Variants in SLC22A31 observed in about 807,000 individuals in gnomAD.
SLC22A31 encodes putative solute carrier family 22 member 31.
A neutral mutation model predicts 27.4 loss-of-function variants in SLC22A31; 42 were observed. The observed-to-expected ratio is 1.53, with a 90% confidence interval of 1.20 to 1.98. SLC22A31 has a LOEUF of 1.98. SLC22A31 is among the 30% of genes most tolerant of loss of function. SLC22A31 has a pLI of 0.00. For missense variants in SLC22A31, 593 were observed against 479.9 expected (o/e 1.24, Z -2.20); for synonymous variants, 290 against 230.8 (o/e 1.26, Z -2.33).
Position 89,195,886 on chromosome 16 carries a change from ACACG to A in SLC22A31, c.*109_*112del. The A allele has an allele frequency of 8.0e-7, 1 of 1,255,764 alleles. No homozygotes were observed. The highest frequency in any genetic ancestry group is 3.0e-5 in the Admixed American group (1 of 33,816). 77.8% of individuals were successfully genotyped at this position (1,255,764 alleles called of 1,614,324 possible). A position where few individuals can be genotyped will look rare whatever the true frequency, so the allele number is the denominator to read the frequency against. On this transcript the variant is annotated 3_prime_UTR_variant, in exon 9 of 9. Coordinates refer to ENST00000682282, the MANE Select transcript of SLC22A31 (RefSeq NM_001384763.1). Reference sequence around the variant, plus strand: ...TCCCCACGGCTCCACCTGCACTGAGACACGGGCTTCTGAGAGGAATGTGTCTGCC... The same window carrying A: ...TCCCCACGGCTCCACCTGCACTGAGAGGCTTCTGAGAGGAATGTGTCTGCC...
At chr16:89,197,758 C>T (rs1172135006) in intron 7 of SLC22A31, among the ~76,000 whole-genome samples, 2 of 152,230 alleles carry the variant, frequency 1.3e-5, no homozygotes, top group African/African-American at 2.4e-5. Flanking sequence ...TCATTTTGCA[C>T]CTAGCTCCAC....
chr16:89,197,346 G>A lies in SLC22A31; in HGVS notation c.986C>T (p.Ser329Phe), dbSNP rs1463756046. The A allele has an allele frequency of 2.6e-6, 4 of 1,535,748 alleles. No homozygotes were observed. The highest frequency in any genetic ancestry group is 1.2e-5 in the South Asian group (1 of 84,062). Reference sequence around the variant, plus strand: ...GGCCGCGAAGAGGCTGCTGAGTGCGGACACAGCCCGGGAGGCCAGGAGCCC... The same window carrying A: ...GGCCGCGAAGAGGCTGCTGAGTGCGAACACAGCCCGGGAGGCCAGGAGCCC... ...VLGLLASRAV[S>F]ALSSLFAAEV... Residue 329 changes from serine to phenylalanine, a missense_variant, in exon 8 of 9, where the codon TCC becomes TTC. Transcript: ENST00000682282.
Position 89,198,297 on chromosome 16 carries a change from G to A in SLC22A31, c.747C>T (p.Ser249=). The A allele has an allele frequency of 6.5e-7, 1 of 1,535,950 alleles. No homozygotes were observed. The highest frequency in any genetic ancestry group is 8.7e-7 in the Non-Finnish European group (1 of 1,146,900). The change falls in exon 7 of 9, where the codon AGC becomes AGT. Residue 249 remains serine (S), a synonymous_variant. Coordinates refer to ENST00000682282, the MANE Select transcript of SLC22A31 (RefSeq NM_001384763.1). The part of the protein sequence containing the change: ...GGGIRASFRR[S]LAPQVPTFYL... ...AGAAGGTCGGCACCTGAGGTGCCAG[G>A]CTGCGGCGGAAGCTAGCTCTGATGC...
Position 89,197,355 on chromosome 16 carries a change from C to T in SLC22A31, c.977G>A (p.Arg326Gln), listed in dbSNP as rs1365502870. Residue 326 changes from arginine (R) to glutamine (Q), a missense_variant, in exon 8 of 9, where the codon CGG (arginine) becomes CAG (glutamine). By Grantham distance (43) the Arg-to-Gln change is conservative. Transcript: ENST00000682282. ...GAGGCTGCTGAGTGCGGACACAGCC[C>T]GGGAGGCCAGGAGCCCCAGGACAGA... ...FLSVLGLLAS[R>Q]AVSALSSLFA... 13 of 1,535,730 alleles carry T rather than the reference C, an allele frequency of 8.5e-6. No homozygotes were observed. Among genetic ancestry groups the T allele is most frequent in the Non-Finnish European group, 1.1e-5 (13 of 1,146,832 alleles).
rs1916342457 is a variant in SLC22A31 at position 89,199,494 on chromosome 16, C to T, written c.202G>A (p.Ala68Thr). Residue 68 changes from alanine to threonine, a missense_variant, in exon 3 of 9, where the codon GCC (alanine) becomes ACC (threonine). Transcript: ENST00000682282. ...AGGACCAGCAGGGTAGGGAAGCTGGCAGCCAGGGCCTCACTGGCCCCCAGG... is the reference window on the plus strand; with the variant it reads ...AGGACCAGCAGGGTAGGGAAGCTGGTAGCCAGGGCCTCACTGGCCCCCAGG... ...TGLGASEALA[A>T]SFPTLLVLRL... 4.1e-6 allele frequency: 2 copies of T among 492,366 alleles called. No homozygotes were observed. Among genetic ancestry groups the T allele is most frequent in the East Asian group, 3.0e-5 (1 of 33,442 alleles). 30.5% of individuals were successfully genotyped at this position (492,366 alleles called of 1,614,324 possible).
chr16:89,197,515 T>C (rs528937501), intron 7 of SLC22A31, 106 bp from the exon 8 acceptor site: 1 of 733,558 alleles, frequency 1.4e-6, no homozygotes, highest in African/African-American at 1.8e-5. Flanking sequence ...GGACCCACTT[T>C]CCAAGCCTCC....
intron 4 of SLC22A31, 111 bp from the exon 5 acceptor site, chr16:89,198,908 G>C (rs1916264662): frequency 7.4e-6 from 11 of 1,487,176 alleles, no homozygotes; most frequent in Admixed American, 2.1e-5. Flanking sequence ...CATCACTGTA[G>C]TTCTCTGTGA....
rs920372121 is a variant in SLC22A31 at position 89,197,492 on chromosome 16, C to T, written c.923-83G>A. 2.9e-5 allele frequency: 28 copies of T among 982,196 alleles called. No homozygotes were observed. The African/African-American group carries it at 4.2e-4, about 15-fold the overall frequency. 60.8% of individuals were successfully genotyped at this position (982,196 alleles called of 1,614,324 possible). On this transcript the variant is annotated intron_variant, in intron 7 of 8. Coordinates refer to ENST00000682282, the MANE Select transcript of SLC22A31 (RefSeq NM_001384763.1). ...CTCAGGGCCCTTCCCCAGAGAACCA[C>T]ACCACTGTCTGGGGACCCACTTTCC...
At chr16:89,201,431 C>T (rs993571927), upstream of SLC22A31, 48 of 384,076 alleles carry the variant, frequency 1.2e-4, no homozygotes, top group African/African-American at 1.0e-3. Flanking sequence ...CTCGCGTGGG[C>T]CCCAGGCGCG....
Position 89,196,249 on chromosome 16 carries a change from G to C in SLC22A31, c.1091C>G (p.Pro364Arg). 1 of 1,532,012 alleles carries C rather than the reference G, an allele frequency of 6.5e-7. No homozygotes were observed. The highest frequency in any genetic ancestry group is 2.4e-5 in the East Asian group (1 of 40,880). 94.9% of individuals were successfully genotyped at this position (1,532,012 alleles called of 1,614,324 possible). Residue 364 changes from proline to arginine, a missense_variant, in exon 9 of 9, where the codon CCC becomes CGC. Pro to Arg is a moderately radical substitution (Grantham distance 103). Coordinates refer to ENST00000682282, the MANE Select transcript of SLC22A31 (RefSeq NM_001384763.1). ...GAGFLGQAAG[P>R]LDTLHGRQGF... ...CTGCCGGCCGTGCAGGGTGTCCAGGGGGCCGGCTGCCTGGCCCAGGAACCC... is the reference window on the plus strand; with the variant it reads ...CTGCCGGCCGTGCAGGGTGTCCAGGCGGCCGGCTGCCTGGCCCAGGAACCC...
Position 89,197,556 on chromosome 16 carries a change from G to T in SLC22A31, c.923-147C>A, listed in dbSNP as rs76696221. 5.5e-3 allele frequency: 3,365 copies of T among 613,082 alleles called. 78 individuals are homozygous for T. The highest frequency in any genetic ancestry group is 0.053 in the African/African-American group (2,893 of 54,152). The allele number at this position is 613,082 out of a possible 1,614,324, so 38.0% of individuals were successfully genotyped here. On this transcript the variant is annotated intron_variant, in intron 7 of 8. Transcript: ENST00000682282. ...CAGCCCCCCTGAGAAACCTGGAGGG[G>T]GAACCTGTCCTCTGCAGCCTGATTC...
rs549068936 is a variant in SLC22A31 at position 89,198,544 on chromosome 16, G to C, written c.605C>G (p.Thr202Ser). The C allele has an allele frequency of 1.3e-6, 2 of 1,508,314 alleles. No individual in the cohort carries two copies. The highest frequency in any genetic ancestry group is 2.0e-5 in the Admixed American group (1 of 49,396). The allele number at this position is 1,508,314 out of a possible 1,614,324, so 93.4% of individuals were successfully genotyped here. The change falls in exon 6 of 9, where the codon ACC (threonine) becomes AGC (serine). Residue 202 changes from threonine to serine, a missense_variant. Physicochemically the swap from Thr to Ser is moderately conservative, Grantham distance 58 (BLOSUM62 1). Coordinates refer to ENST00000682282, the MANE Select transcript of SLC22A31 (RefSeq NM_001384763.1). ...CTGGGGGCTCCGTGCAGACAGCATG[G>C]TCAGCTCTGTAGCCGCAGAGATGTG... ...LEENSLATEL[T>S]MLSARSPQPR...
rs754839619 is a variant in SLC22A31 at position 89,199,467 on chromosome 16, G to A, written c.229C>T (p.Arg77Cys). 6.3e-5 allele frequency: 33 copies of A among 520,868 alleles called. No homozygotes were observed. Among genetic ancestry groups the A allele is most frequent in the African/African-American group, 3.4e-4 (18 of 53,030 alleles). 32.3% of individuals were successfully genotyped at this position (520,868 alleles called of 1,614,324 possible). The change falls in exon 3 of 9, where the codon CGC becomes TGC. Residue 77 changes from arginine to cysteine, a missense_variant. Coordinates refer to ENST00000682282, the MANE Select transcript of SLC22A31 (RefSeq NM_001384763.1). ...AASFPTLLVL[R>C]LLHGGTLAGA... ...GCCAATGTGCCCCCGTGGAGTAGGC[G>A]CAGGACCAGCAGGGTAGGGAAGCTG... is the stretch of plus-strand genomic sequence containing the variant.
chr16:89,200,869 G>A (rs1916534284), upstream of SLC22A31, among the ~76,000 whole-genome samples: 1 of 152,218 alleles, frequency 6.6e-6, no homozygotes. Flanking sequence ...CCCAGTCTGT[G>A]CTGACCACGT....
At chr16:89,198,619 C>T (rs1916221326) in intron 5 of SLC22A31, 33 bp downstream of exon 5, 2 of 1,529,274 alleles carry the variant, frequency 1.3e-6, no homozygotes, top group Admixed American at 3.9e-5. Flanking sequence ...CCTCCAGTAC[C>T]TGAATCTCCC....
upstream of SLC22A31, chr16:89,201,350 G>C: frequency 5.0e-6 from 1 of 200,336 alleles, no homozygotes; most frequent in African/African-American, 1.3e-4. Context: ...GCGTGCGGGC[G>C]CGGGGCGCGG....
Position 89,199,745 on chromosome 16 carries a change from C to T in SLC22A31, c.96G>A (p.Leu32=). The T allele has an allele frequency of 2.5e-6, 1 of 404,444 alleles. No individual in the cohort carries two copies. 25.1% of individuals were successfully genotyped at this position (404,444 alleles called of 1,614,324 possible). ...AGCCTGCTCCCAGGATGACACAGCC[C>T]AGCAGCCAGCCCAGGAGGTGGCTCA... ...EQVSHLLGWL[L]GCVILGAGCD... Residue 32 remains leucine (L), a synonymous_variant, in exon 2 of 9, where the codon CTG becomes CTA. Coordinates refer to ENST00000682282, the MANE Select transcript of SLC22A31 (RefSeq NM_001384763.1).
Position 89,199,808 on chromosome 16 carries a change from A to G in SLC22A31, c.33T>C (p.Leu11=). 2.5e-6 allele frequency: 1 copy of G among 402,802 alleles called. No individual in the cohort carries two copies. Among genetic ancestry groups the G allele is most frequent in the Non-Finnish European group, 4.4e-6 (1 of 227,532 alleles). The allele number at this position is 402,802 out of a possible 1,614,324, so 25.0% of individuals were successfully genotyped here. A position where few individuals can be genotyped will look rare whatever the true frequency, so the allele number is the denominator to read the frequency against. ...GGACCTTCCAGCCGTCTCCACACAC[A>G]AGGTTCCACTATGGGGAACAGCAGC... is the stretch of plus-strand genomic sequence containing the variant. MPHQLSQNWN[L]VCGDGWKVPL... Residue 11 remains leucine (L), a synonymous_variant, in exon 2 of 9, where the codon CTT becomes CTC. Transcript: ENST00000682282.
At position 89,199,081 on chromosome 16, in the gene SLC22A31, A is replaced by C; in HGVS notation, c.394T>G (p.Trp132Gly). ...LPGLAALVQDWRLLQGLGALM... is the reference protein window; with the variant it reads ...LPGLAALVQDGRLLQGLGALM... ...GCACCCAGCCCCTGCAGAAGACGCC[A>C]GTCCTGCACAAGCGCAGCCAGGCCG... Residue 132 changes from tryptophan to glycine, a missense_variant, in exon 4 of 9, where the codon TGG (tryptophan) becomes GGG (glycine). Physicochemically the swap from Trp to Gly is radical, Grantham distance 184. Coordinates refer to ENST00000682282, the MANE Select transcript of SLC22A31 (RefSeq NM_001384763.1). 1 of 1,535,690 alleles carries C rather than the reference A, an allele frequency of 6.5e-7. No homozygotes were observed. The highest frequency in any genetic ancestry group is 8.7e-7 in the Non-Finnish European group (1 of 1,146,748).
Sources: allele counts gnomAD v4.1 joint callset (sites outside exome capture counted in the v4.1 genomes callset), GRCh38; gene constraint gnomAD v4.1.1; transcripts MANE v1.5; gene names NCBI Gene and HGNC (gene_info 2026-07-23, HGNC 2026-07-21).